PAX5: variants seen among roughly 807,000 people sequenced by gnomAD.
PAX5 encodes paired box protein Pax-5.
PAX5 carries 9 observed loss-of-function variants against 43.7 expected under a neutral mutation model. That is an observed-to-expected ratio of 0.21 (90% CI 0.12 to 0.36). The LOEUF (loss-of-function observed/expected upper bound fraction) is 0.36, where lower values mean the gene tolerates loss of function less well. PAX5 is among the 10% of genes least tolerant of loss of function. PAX5 has a pLI of 1.00. For missense variants in PAX5, 383 were observed against 532.7 expected (o/e 0.72, Z 2.77); for synonymous variants, 228 against 214.3 (o/e 1.06, Z -0.56).
chr9:36,991,193 G>A (rs1836909317), intron 5 of PAX5, among the ~76,000 whole-genome samples: 1 of 151,596 alleles, frequency 6.6e-6, no homozygotes, highest in Non-Finnish European at 1.5e-5. Context: ...GATTTCAAAA[G>A]CATTTTTCCA....
At position 36,882,339 on chromosome 9, in the gene PAX5, A is replaced by G. The variant is rs1162055777; in HGVS notation, c.911-234T>C. On this transcript the variant is annotated intron_variant, in intron 7 of 9. Transcript: ENST00000358127. The surrounding 1 kb of genome is among the most constrained non-coding windows in gnomAD (Gnocchi z 4.4). ...AGCCACCCTCGCTCCACTCAGCAAG[A>G]ACAGAGTCAGGGATGTGGCCTGTTC... Among the ~76,000 whole-genome samples, 1 of 152,058 alleles carries G rather than the reference A, an allele frequency of 6.6e-6. No individual in the cohort carries two copies. Among genetic ancestry groups the G allele is most frequent in the Non-Finnish European group, 1.5e-5 (1 of 68,008 alleles).
chr9:36,852,318 C>T (rs960206821), intron 8 of PAX5, among the ~76,000 whole-genome samples: 2 of 152,126 alleles, frequency 1.3e-5, no homozygotes, highest in African/African-American at 4.8e-5. Flanking sequence ...GTGACAGAAC[C>T]GGAAGGGATT....
At chr9:36,919,946 G>A (rs1012474546) in intron 7 of PAX5, among the ~76,000 whole-genome samples, 1 of 151,746 alleles carries the variant, frequency 6.6e-6, no homozygotes, top group African/African-American at 2.4e-5. Context: ...CAGCCCTCAT[G>A]GATGACTTTG....
At chr9:36,951,936 T>C (rs572861271) in intron 6 of PAX5, among the ~76,000 whole-genome samples, 5 of 152,214 alleles carry the variant, frequency 3.3e-5, no homozygotes, top group Non-Finnish European at 7.3e-5. Context: ...AATATATCTA[T>C]CTTCCTCCTA....
chr9:36,970,957 GA>G (rs953752566), intron 5 of PAX5, among the ~76,000 whole-genome samples: 1 of 152,172 alleles, frequency 6.6e-6, no homozygotes, highest in African/African-American at 2.4e-5. Flanking sequence ...AATATCTGTG[GA>G]ATAAATGAAT....
At chr9:37,016,565 G>A (rs1002407412) in intron 2 of PAX5, among the ~76,000 whole-genome samples, 9 of 152,146 alleles carry the variant, frequency 5.9e-5, no homozygotes, top group Non-Finnish European at 1.3e-4. Context: ...TTCAGGGGGG[G>A]ATAATTGACA....
In PAX5 at chr9:36,895,881, T is replaced by C. The variant is rs1333236585; in HGVS notation, c.911-13776A>G. On this transcript the variant is annotated intron_variant, in intron 7 of 9. Transcript: ENST00000358127. Reference sequence around the variant, plus strand: ...GAAATCAGGCATGGTGGGAGGGACCTACTGGATCTTTGAAGCTAAGGGGTA... The same window carrying C: ...GAAATCAGGCATGGTGGGAGGGACCCACTGGATCTTTGAAGCTAAGGGGTA... 2.0e-5 allele frequency among the ~76,000 whole-genome samples: 3 copies of C among 152,308 alleles called. No individual in the cohort carries two copies. The East Asian group carries it at 5.8e-4, about 29-fold the overall frequency.
In PAX5 at chr9:36,886,439, C is replaced by G. The variant is rs139850626; in HGVS notation, c.911-4334G>C. ...TGCTCTGAGGCCCATCAGAACTCTC[C>G]CGGCACCAAGCTGAGGAGTCTGTGA... is the stretch of plus-strand genomic sequence containing the variant. On this transcript the variant is annotated intron_variant, in intron 7 of 9. Transcript: ENST00000358127. Among the ~76,000 whole-genome samples, 389 of 152,236 alleles carry G rather than the reference C, an allele frequency of 2.6e-3. 1 individual carries two copies. The highest frequency in any genetic ancestry group is 9.0e-3 in the African/African-American group (375 of 41,522).
intron 7 of PAX5, among the ~76,000 whole-genome samples, chr9:36,890,027 C>T (rs1317702703): frequency 1.3e-5 from 2 of 151,546 alleles, no homozygotes; most frequent in African/African-American, 4.9e-5. Flanking sequence ...CGGTTCTCAT[C>T]GTGTGGCAGT....
At chr9:36,870,007 A>AATGGATGGATGGATGG (rs1168900562) in intron 8 of PAX5, among the ~76,000 whole-genome samples, 1 of 10,744 alleles carries the variant, frequency 9.3e-5, no homozygotes, top group Admixed American at 1.4e-3. Context: ...TGGATGGATA[A>AATGGATGGATGGATGG]ATGGATGGAT....
At chr9:36,956,641 G>T (rs1047462738) in intron 6 of PAX5, among the ~76,000 whole-genome samples, 1 of 152,154 alleles carries the variant, frequency 6.6e-6, no homozygotes, top group Non-Finnish European at 1.5e-5. Flanking sequence ...CTGTCCTTGT[G>T]CTTGGTTCAC....
At chr9:36,867,530 C>T (rs1172814813) in intron 8 of PAX5, among the ~76,000 whole-genome samples, 1 of 151,994 alleles carries the variant, frequency 6.6e-6, no homozygotes, top group Non-Finnish European at 1.5e-5. Context: ...AGCAAAGCTC[C>T]GTCCAGGTGG....
Position 36,834,794 on chromosome 9 carries a change from T to C in PAX5, c.*5766A>G, listed in dbSNP as rs1821526564. On this transcript the variant is annotated 3_prime_UTR_variant, in exon 10 of 10. Coordinates refer to ENST00000358127, the MANE Select transcript of PAX5 (RefSeq NM_016734.3). ...AAGATGAGGGACGTGGCCACAGGCA[T>C]GGTGATTTTGGGGACAAGGGCGACC... 4.6e-6 allele frequency: 1 copy of C among 216,740 alleles called. No individual in the cohort carries two copies. Among genetic ancestry groups the C allele is most frequent in the African/African-American group, 2.4e-5 (1 of 41,594 alleles). The allele number at this position is 216,740 out of a possible 1,614,324, so 13.4% of individuals were successfully genotyped here. A position where few individuals can be genotyped will look rare whatever the true frequency, so the allele number is the denominator to read the frequency against.
intron 7 of PAX5, among the ~76,000 whole-genome samples, chr9:36,898,908 T>C (rs1410793878): frequency 6.6e-6 from 1 of 152,054 alleles, no homozygotes; most frequent in African/African-American, 2.4e-5. Flanking sequence ...CCAGCCGCAC[T>C]GCAGACACCC....
intron 6 of PAX5, among the ~76,000 whole-genome samples, chr9:36,929,884 C>A (rs954398092): frequency 6.6e-6 from 1 of 152,144 alleles, no homozygotes; most frequent in African/African-American, 2.4e-5. Flanking sequence ...CACCACCATG[C>A]CCAGCTCATT....
chr9:36,888,982 C>T (rs113962717), intron 7 of PAX5, among the ~76,000 whole-genome samples: 1 of 152,212 alleles, frequency 6.6e-6, no homozygotes, highest in Admixed American at 6.5e-5. Context: ...ATACAACGAT[C>T]TGAGCATGGG....
chr9:36,856,071 A>G (rs373929234), intron 8 of PAX5, among the ~76,000 whole-genome samples: 1 of 152,096 alleles, frequency 6.6e-6, no homozygotes, highest in Admixed American at 6.6e-5. Flanking sequence ...CTTCTCCTCA[A>G]TGGCAGGAAC....
chr9:37,019,489 T>C (rs1755245559), intron 2 of PAX5, among the ~76,000 whole-genome samples: 2 of 152,176 alleles, frequency 1.3e-5, no homozygotes, highest in South Asian at 2.1e-4. Context: ...ATTTCTTCCC[T>C]TGGCCTCAAA....
chr9:36,862,750 T>G (rs1438710983), intron 8 of PAX5, among the ~76,000 whole-genome samples: 1 of 152,148 alleles, frequency 6.6e-6, no homozygotes, highest in Non-Finnish European at 1.5e-5. Flanking sequence ...TCCTTACATG[T>G]TCACTGGGCA....
Sources: allele counts gnomAD v4.1 joint callset (sites outside exome capture counted in the v4.1 genomes callset), GRCh38; gene constraint gnomAD v4.1.1; non-coding constraint Gnocchi (gnomAD v3.1); transcripts MANE v1.5; gene names NCBI Gene and HGNC (gene_info 2026-07-23, HGNC 2026-07-21).